Variants in AGMO observed in about 807,000 individuals in gnomAD.
AGMO encodes glyceryl-ether monooxygenase.
AGMO carries 75 observed loss-of-function variants against 60.2 expected under a neutral mutation model. The observed-to-expected ratio is 1.25, with a 90% CI of 1.03 to 1.51. AGMO has a LOEUF of 1.51. AGMO is among the 40% of genes most tolerant of loss of function. The probability of loss-of-function intolerance (pLI) is 0.00; values close to 1 mark genes in which losing one functional copy is unlikely to be tolerated. For synonymous variants in AGMO, 261 were observed against 177.1 expected (o/e 1.47, Z -3.76); for missense variants, 763 against 525.5 (o/e 1.45, Z -4.42).
intron 3 of AGMO, among the ~76,000 whole-genome samples, chr7:15,433,517 G>C (rs923868783): frequency 1.2e-4 from 18 of 152,054 alleles, no homozygotes; most frequent in Non-Finnish European, 2.5e-4. Context: ...AAGTGATTAT[G>C]AAAATGCATT....
At chr7:15,184,357 GGGAAGGAAGGGAAGGAA>G in the AGMO span, among the ~76,000 whole-genome samples, 4 of 61,180 alleles carry the variant, frequency 6.5e-5, no homozygotes, top group South Asian at 1.7e-3. Flanking sequence ...AAGGGAGGGA[GGGAAGGAAGGGAAGGAA>G]GGAAGGAAGG....
At chr7:15,352,581 G>A (rs1164211237) in intron 12 of AGMO, among the ~76,000 whole-genome samples, 1 of 151,940 alleles carries the variant, frequency 6.6e-6, no homozygotes, top group African/African-American at 2.4e-5. Context: ...GAAATGCGTG[G>A]CAATTTTACG....
chr7:15,187,484 T>C, the AGMO span, among the ~76,000 whole-genome samples: 2,101 of 152,312 alleles, frequency 0.014, 17 homozygotes, highest in Non-Finnish European at 0.023. Context: ...CGTCCTTTCA[T>C]AAAAATCCTT....
At position 15,288,019 on chromosome 7, in the gene AGMO, A is replaced by G. The variant is rs569056002; in HGVS notation, c.1263+77495T>C. ...ATGATAATGATTTTGAAAAATAACA[A>G]TAATTTTATTGAATTTTTTTTTTTA... is the stretch of plus-strand genomic sequence containing the variant. On this transcript the variant is annotated intron_variant, in intron 12 of 12. Coordinates refer to ENST00000342526, the MANE Select transcript of AGMO (RefSeq NM_001004320.2). Among the ~76,000 whole-genome samples, 5 of 151,942 alleles carry G rather than the reference A, an allele frequency of 3.3e-5. No homozygotes were observed. The East Asian group carries it at 5.8e-4, about 18-fold the overall frequency.
intron 3 of AGMO, among the ~76,000 whole-genome samples, chr7:15,458,834 A>C (rs1410876815): frequency 6.6e-6 from 1 of 152,282 alleles, no homozygotes; most frequent in Non-Finnish European, 1.5e-5. Context: ...TCTGTTTCAA[A>C]TCCAGAGAGG....
In AGMO at chr7:15,314,721, T is replaced by C. The variant is rs183826715; in HGVS notation, c.1263+50793A>G. On this transcript the variant is annotated intron_variant, in intron 12 of 12. Transcript: ENST00000342526. ...CCCTAATCCCTGGAACCTGTGAGTA[T>C]ATTACCTTATATGACTTTGGGACTT... Among the ~76,000 whole-genome samples, 10 of 152,290 alleles carry C rather than the reference T, an allele frequency of 6.6e-5. No homozygotes were observed. In the East Asian group the frequency reaches 1.7e-3, roughly 26 times the overall value.
chr7:15,336,557 T>A (rs1188708995), intron 12 of AGMO, among the ~76,000 whole-genome samples: 3 of 152,168 alleles, frequency 2.0e-5, no homozygotes, highest in Non-Finnish European at 4.4e-5. Flanking sequence ...AATTGCGTGT[T>A]CCTAGCAAAT....
At chr7:15,382,146 A>C (rs967168145) in intron 10 of AGMO, among the ~76,000 whole-genome samples, 1 of 152,158 alleles carries the variant, frequency 6.6e-6, no homozygotes, top group Non-Finnish European at 1.5e-5. Context: ...ACAAAACTGC[A>C]CATGTACCCC....
chr7:15,560,015 C>T (rs1785259600), intron 2 of AGMO, 126 bp downstream of exon 2: 3 of 895,936 alleles, frequency 3.3e-6, no homozygotes, highest in Non-Finnish European at 3.2e-6. Context: ...TAAATAATGA[C>T]ATGAACTGAA....
At chr7:15,355,259 A>G (rs1172301696) in intron 12 of AGMO, among the ~76,000 whole-genome samples, 1 of 152,118 alleles carries the variant, frequency 6.6e-6, no homozygotes, top group Non-Finnish European at 1.5e-5. Flanking sequence ...TTCCAGCACT[A>G]TGGGAGGCCG....
At chr7:15,173,766 A>G in the AGMO span, among the ~76,000 whole-genome samples, 1 of 151,770 alleles carries the variant, frequency 6.6e-6, no homozygotes, top group Non-Finnish European at 1.5e-5. Flanking sequence ...CAAAGAGCCA[A>G]TAGATATAAA....
rs1781264565 is a variant in AGMO, at chr7:15,201,076, T to C, written c.*209A>G. On this transcript the variant is annotated 3_prime_UTR_variant, in exon 13 of 13. Transcript: ENST00000342526. ...TATATTTGAAATCTTTTTTTAATTG[T>C]AGTAAAGGGGGGAAGTAACCAAAAC... 2 of 384,920 alleles carry C rather than the reference T, an allele frequency of 5.2e-6. No homozygotes were observed. Among genetic ancestry groups the C allele is most frequent in the Non-Finnish European group, 9.2e-6 (2 of 217,044 alleles). 23.8% of individuals were successfully genotyped at this position (384,920 alleles called of 1,614,324 possible).
At chr7:15,138,518 T>A in the AGMO span, among the ~76,000 whole-genome samples, 1 of 152,196 alleles carries the variant, frequency 6.6e-6, no homozygotes, top group Non-Finnish European at 1.5e-5. Context: ...AGACTTCAAT[T>A]ATCTATGTGA....
rs1342482595 is a variant in AGMO at position 15,305,155 on chromosome 7, CCTT to C, written c.1263+60356_1263+60358del. Among the ~76,000 whole-genome samples, 14 of 151,620 alleles carry C rather than the reference CCTT, an allele frequency of 9.2e-5. No homozygotes were observed. In the South Asian group the frequency reaches 2.1e-3, roughly 23 times the overall value. On this transcript the variant is annotated intron_variant, in intron 12 of 12. Transcript: ENST00000342526. Reference sequence around the variant, plus strand: ...TTCATCATCTCACCATGGATTTTCTCCTTATTTTCCTTTTACCATCCTGCTATT... The same window carrying C: ...TTCATCATCTCACCATGGATTTTCTCATTTTCCTTTTACCATCCTGCTATT...
At chr7:15,396,542 G>C (rs535169441) in intron 5 of AGMO, 11 of 152,328 alleles carry the variant, frequency 7.2e-5, no homozygotes, top group Non-Finnish European at 8.8e-5. Context: ...AAAGAACAAA[G>C]CTACCACAAC....
chr7:15,547,471 G>C (rs989211627), intron 2 of AGMO, among the ~76,000 whole-genome samples: 3 of 152,068 alleles, frequency 2.0e-5, no homozygotes, highest in East Asian at 3.9e-4. Flanking sequence ...CACCGTGCGC[G>C]AGCCGAAGCA....
intron 10 of AGMO, among the ~76,000 whole-genome samples, chr7:15,371,314 G>A (rs932555083): frequency 9.4e-5 from 14 of 148,608 alleles, no homozygotes; most frequent in African/African-American, 3.3e-4. Context: ...TCCCTTTCCA[G>A]CCTTAAGCTA....
chr7:15,233,918 G>A (rs771299128), intron 12 of AGMO, among the ~76,000 whole-genome samples: 7 of 152,018 alleles, frequency 4.6e-5, no homozygotes, highest in African/African-American at 1.4e-4. Context: ...GTGGTGGTGC[G>A]CCCCTGTAAT....
At chr7:15,260,612 G>T (rs971714116) in intron 12 of AGMO, among the ~76,000 whole-genome samples, 1 of 152,076 alleles carries the variant, frequency 6.6e-6, no homozygotes, top group African/African-American at 2.4e-5. Context: ...AGGTCATCAA[G>T]ACAGAAAGTC....
Sources: allele counts gnomAD v4.1 joint callset (sites outside exome capture counted in the v4.1 genomes callset), GRCh38; gene constraint gnomAD v4.1.1; transcripts MANE v1.5; gene names NCBI Gene and HGNC (gene_info 2026-07-23, HGNC 2026-07-21).